Variants in SERPINB12 observed in about 807,000 individuals in gnomAD.
SERPINB12 encodes serpin B12.
A neutral mutation model predicts 41.1 loss-of-function variants in SERPINB12; 57 were observed. That is an observed-to-expected ratio of 1.39 (90% CI 1.12 to 1.73). The LOEUF (loss-of-function observed/expected upper bound fraction) is 1.73, where lower values mean the gene tolerates loss of function less well. Among genes scored for constraint, SERPINB12 ranks in the 40% most tolerant of loss-of-function variants. The pLI, the probability that SERPINB12 is intolerant of heterozygous loss-of-function variation, is 0.00. For synonymous variants in SERPINB12, 180 were observed against 181.3 expected (o/e 0.99, Z 0.06); for missense variants, 536 against 501.9 (o/e 1.07, Z -0.65).
the SERPINB12 span, among the ~76,000 whole-genome samples, chr18:63,525,143 T>G: frequency 6.6e-6 from 1 of 152,220 alleles, no homozygotes; most frequent in Non-Finnish European, 1.5e-5. Context: ...CTCACATGCT[T>G]ACTGGTTTTT....
chr18:63,565,302 A>G, intron 6 of SERPINB12, 143 bp from the exon 7 acceptor site: 1 of 689,364 alleles, frequency 1.5e-6, no homozygotes, highest in Non-Finnish European at 2.4e-6. Context: ...AGACTCTTGT[A>G]GGCTGGATCC....
intron 6 of SERPINB12, 127 bp downstream of exon 6, chr18:63,564,247 A>G: frequency 2.2e-6 from 2 of 924,758 alleles, no homozygotes; most frequent in Non-Finnish European, 3.3e-6. Flanking sequence ...CGTTGATAAG[A>G]ACCAGTACCT....
At chr18:63,531,053 C>T in the SERPINB12 span, among the ~76,000 whole-genome samples, 1 of 152,124 alleles carries the variant, frequency 6.6e-6, no homozygotes, top group Non-Finnish European at 1.5e-5. Context: ...GCCCAATAGA[C>T]CTAAATCTTT....
At chr18:63,554,174 G>A (rs531854133) in intron 1 of SERPINB12, among the ~76,000 whole-genome samples, 1 of 152,288 alleles carries the variant, frequency 6.6e-6, no homozygotes, top group South Asian at 2.1e-4. Context: ...GCATGTGTTT[G>A]ATCACCTATC....
chr18:63,558,540 C>T, intron 3 of SERPINB12, 54 bp downstream of exon 3: 1 of 1,548,006 alleles, frequency 6.5e-7, no homozygotes, highest in Non-Finnish European at 8.7e-7. Context: ...ACTGCTTATT[C>T]TGGCTGTAGG....
intron 1 of SERPINB12, among the ~76,000 whole-genome samples, chr18:63,552,722 A>T (rs988080191): frequency 1.3e-5 from 2 of 152,200 alleles, no homozygotes; most frequent in East Asian, 3.8e-4. Flanking sequence ...ATATATAGTG[A>T]CTAACCCAGT....
chr18:63,548,536 A>C (rs911501217), intron 1 of SERPINB12, among the ~76,000 whole-genome samples: 2 of 152,070 alleles, frequency 1.3e-5, no homozygotes, highest in Admixed American at 1.3e-4. Flanking sequence ...AAATAAAGGA[A>C]GGTAAAACAG....
Position 63,568,217 on chromosome 18 carries a change from CA to C in SERPINB12, c.*1212del, listed in dbSNP as rs1409237864. Among the ~76,000 whole-genome samples the C allele has an allele frequency of 1.3e-5, 2 of 152,014 alleles. No homozygotes were observed. The highest frequency in any genetic ancestry group is 4.8e-5 in the African/African-American group (2 of 41,376). ...GCAACATATTGAGACCCTGACTCTA[CA>C]AAAAATACAGAAATTAGCCGGGCGT... On this transcript the variant is annotated 3_prime_UTR_variant, in exon 8 of 8. Transcript: ENST00000382768.
chr18:63,556,498 C>T (rs373402259), intron 2 of SERPINB12, among the ~76,000 whole-genome samples, 171 bp downstream of exon 2: 24 of 152,140 alleles, frequency 1.6e-4, no homozygotes, highest in South Asian at 4.1e-4. Flanking sequence ...ACTTCCTCTT[C>T]GATCCTACCA....
At chr18:63,531,955 T>C in the SERPINB12 span, among the ~76,000 whole-genome samples, 1 of 152,218 alleles carries the variant, frequency 6.6e-6, no homozygotes. Context: ...AAGGTAACCA[T>C]GTAATCACAT....
chr18:63,533,039 C>T, the SERPINB12 span, among the ~76,000 whole-genome samples: 5 of 152,000 alleles, frequency 3.3e-5, no homozygotes, highest in Admixed American at 1.3e-4. Context: ...AGTGCAGTGG[C>T]GCAATCTCAG....
chr18:63,558,533 G>A, intron 3 of SERPINB12, 47 bp downstream of exon 3: 1 of 1,553,638 alleles, frequency 6.4e-7, no homozygotes, highest in Non-Finnish European at 8.7e-7. Flanking sequence ...TTTACAAACT[G>A]CTTATTCTGG....
chr18:63,537,436 T>C (rs1599408844), upstream of SERPINB12, among the ~76,000 whole-genome samples: 1 of 152,154 alleles, frequency 6.6e-6, no homozygotes, highest in African/African-American at 2.4e-5. Flanking sequence ...AGGAGAATGG[T>C]AGAAAAGCAC....
intron 3 of SERPINB12, among the ~76,000 whole-genome samples, chr18:63,558,787 T>G (rs1424089548): frequency 6.6e-6 from 1 of 152,172 alleles, no homozygotes; most frequent in African/African-American, 2.4e-5. Flanking sequence ...TGGTCAAAGA[T>G]AAAGGTGGTA....
At chr18:63,528,390 A>G in the SERPINB12 span, among the ~76,000 whole-genome samples, 3 of 128,364 alleles carry the variant, frequency 2.3e-5, no homozygotes, top group African/African-American at 8.8e-5. Context: ...AATCTCTGAG[A>G]GCAATAAATA....
chr18:63,560,574 A>G (rs1910869987), intron 4 of SERPINB12, among the ~76,000 whole-genome samples: 1 of 152,242 alleles, frequency 6.6e-6, no homozygotes. Flanking sequence ...TTAAAATTAT[A>G]GTAAAATACA....
chr18:63,556,324 T>G lies in SERPINB12; in HGVS notation c.165T>G (p.Asp55Glu). 1 of 1,613,598 alleles carries G rather than the reference T, an allele frequency of 6.2e-7. No homozygotes were observed. The highest frequency in any genetic ancestry group is 2.2e-5 in the East Asian group (1 of 44,886). Residue 55 changes from aspartate to glutamate, a missense_variant, in exon 2 of 8, where the codon GAT becomes GAG. Asp to Glu is a conservative substitution (Grantham distance 45, BLOSUM62 2). Transcript: ENST00000382768. ...GAAGTGACAGTGCACATCAGATTGA[T>G]GAGGTACGTGTCCACTAGGGTGCTA... ...GARSDSAHQIDEVLHFNEFSQ... is the reference protein window; with the variant it reads ...GARSDSAHQIEEVLHFNEFSQ...
intron 2 of SERPINB12, among the ~76,000 whole-genome samples, chr18:63,558,099 T>G (rs1230139552): frequency 6.6e-6 from 1 of 152,178 alleles, no homozygotes; most frequent in Non-Finnish European, 1.5e-5. Context: ...ACATTTAGCT[T>G]GTGGATACCT....
At chr18:63,533,177 C>G in the SERPINB12 span, among the ~76,000 whole-genome samples, 1 of 152,154 alleles carries the variant, frequency 6.6e-6, no homozygotes, top group Non-Finnish European at 1.5e-5. Context: ...GGGGTTTCAC[C>G]ATGTTGGCCA....
Sources: allele counts gnomAD v4.1 joint callset (sites outside exome capture counted in the v4.1 genomes callset), GRCh38; gene constraint gnomAD v4.1.1; transcripts MANE v1.5; gene names NCBI Gene and HGNC (gene_info 2026-07-23, HGNC 2026-07-21).